CLCNKB: variants seen among roughly 807,000 people sequenced by gnomAD.
CLCNKB encodes chloride voltage-gated channel Kb, also known as chloride channel protein ClC-Kb.
In CLCNKB, 74 loss-of-function variants were observed where a neutral mutation model predicts 83.8. The observed-to-expected ratio is 0.88, with a 90% CI of 0.73 to 1.07. CLCNKB has a LOEUF of 1.07. CLCNKB is among the 50% of genes least tolerant of loss of function. The pLI is 0.00. For synonymous variants in CLCNKB, 358 were observed against 356.6 expected, an observed-to-expected ratio of 1.00 and a Z score of -0.04; for missense variants, 798 against 893.6, an observed-to-expected ratio of 0.89 and a Z score of 1.36.
At chr1:16,048,915 C>A in intron 7 of CLCNKB, 4 of 1,454,818 alleles carry the variant, frequency 2.7e-6, no homozygotes, top group Non-Finnish European at 3.6e-6. Context: ...AGGGCGCACA[C>A]CCGCATTCCA....
In CLCNKB at chr1:16,053,577, C is replaced by T. The variant is rs1446937645; in HGVS notation, c.1623-62C>T. Reference sequence around the variant, plus strand: ...TCAAGCAAAGCTCCCCACAGATCCCCCTGCCAGCCTGGGTCTCACATCCCT... The same window carrying T: ...TCAAGCAAAGCTCCCCACAGATCCCTCTGCCAGCCTGGGTCTCACATCCCT... On this transcript the variant is annotated intron_variant, in intron 15 of 19. Coordinates refer to ENST00000375679, the MANE Select transcript of CLCNKB (RefSeq NM_000085.5). 9 of 1,612,364 alleles carry T rather than the reference C, an allele frequency of 5.6e-6. No homozygotes were observed. The Admixed American group carries it at 1.2e-4, about 21-fold the overall frequency.
intron 15 of CLCNKB, among the ~76,000 whole-genome samples, chr1:16,052,646 T>C (rs931671208): frequency 2.6e-5 from 4 of 152,250 alleles, no homozygotes; most frequent in African/African-American, 9.6e-5. Context: ...AGCAGGAGGA[T>C]GAGTATTGCC....
intron 15 of CLCNKB, among the ~76,000 whole-genome samples, chr1:16,053,436 C>T (rs567020178): frequency 6.6e-6 from 1 of 152,168 alleles, no homozygotes. Context: ...TGGGAATTCG[C>T]AACTGGGTCA....
In CLCNKB at chr1:16,048,477, T is replaced by G. The variant is rs6696349; in HGVS notation, c.577-27T>G. On this transcript the variant is annotated intron_variant, in intron 6 of 19. Coordinates refer to ENST00000375679, the MANE Select transcript of CLCNKB (RefSeq NM_000085.5). ...GGGAGTGGGGAGGGAGGGGGCTGAC[T>G]CTGAGCCCTGGACTCGGATCCCCCA... 220,095 of 1,612,786 alleles carry G rather than the reference T, an allele frequency of 0.14. 18,700 individuals carry two copies. The highest frequency in any genetic ancestry group is 0.38 in the African/African-American group (28,597 of 74,766).
rs1443260796 is a variant in CLCNKB at position 16,048,051 on chromosome 1, G to T, written c.498+7G>T. ...CCTCTTCCTCGGGAAAGTGGTATGG[G>T]CAGGGGTGAGGGCATCCCAACCACC... On this transcript the variant is annotated splice_region_variant and intron_variant, in intron 5 of 19. Coordinates refer to ENST00000375679, the MANE Select transcript of CLCNKB (RefSeq NM_000085.5). The T allele has an allele frequency of 1.2e-6, 2 of 1,612,160 alleles. No individual in the cohort carries two copies. Among genetic ancestry groups the T allele is most frequent in the Non-Finnish European group, 1.7e-6 (2 of 1,178,850 alleles).
chr1:16,044,544 C>G lies in CLCNKB; in HGVS notation c.52C>G (p.Leu18Val). The change falls in exon 2 of 20, where the codon CTG becomes GTG. Residue 18 changes from leucine (L) to valine (V), a missense_variant. Physicochemically the swap from Leu to Val is conservative, Grantham distance 32 (BLOSUM62 1). Coordinates refer to ENST00000375679, the MANE Select transcript of CLCNKB (RefSeq NM_000085.5). ...REGSSGNPVT[L>V]QELWGPCPRI... ...AGGCTCCTCAGGGAACCCTGTGACT[C>G]TGCAGGAGCTGTGGGGCCCCTGTCC... 6.2e-7 allele frequency: 1 copy of G among 1,606,894 alleles called. No homozygotes were observed. The highest frequency in any genetic ancestry group is 8.5e-7 in the Non-Finnish European group (1 of 1,177,472).
intron 1 of CLCNKB, 119 bp from the exon 2 acceptor site, chr1:16,044,367 A>ACACACACACACG (rs2124080499): frequency 3.9e-6 from 3 of 762,584 alleles, no homozygotes; most frequent in African/African-American, 1.7e-5. Flanking sequence ...ACACACACAC[A>ACACACACACACG]CACACACACA....
intron 7 of CLCNKB, 174 bp from the exon 8 acceptor site, chr1:16,048,946 A>C (rs1478711889): frequency 2.7e-5 from 40 of 1,491,388 alleles, no homozygotes; most frequent in Non-Finnish European, 3.4e-5. Flanking sequence ...GTCTCTGGGC[A>C]GCGGGCTCCT....
chr1:16,053,513 T>C (rs2023354896), intron 15 of CLCNKB, 126 bp from the exon 16 acceptor site: 2 of 1,391,488 alleles, frequency 1.4e-6, no homozygotes, highest in Non-Finnish European at 2.0e-6. Context: ...CAGGAACCTC[T>C]CCGGCCCTGC....
intron 5 of CLCNKB, 26 bp from the exon 6 acceptor site, chr1:16,048,317 C>T (rs997425642): frequency 6.2e-7 from 1 of 1,613,356 alleles, no homozygotes; most frequent in Non-Finnish European, 8.5e-7. Context: ...CTCACCTGGG[C>T]CCTGGGCCCA....
rs2124103793 is a variant in CLCNKB, at chr1:16,052,351, A to G, written c.1562A>G (p.Asp521Gly). The G allele has an allele frequency of 6.2e-7, 1 of 1,613,124 alleles. No individual in the cohort carries two copies. The highest frequency in any genetic ancestry group is 1.1e-5 in the South Asian group (1 of 91,074). ...IAQSCQPSFYDGTVIVKKLPY... is the reference protein window; with the variant it reads ...IAQSCQPSFYGGTVIVKKLPY... ...CAGAGCTGCCAGCCCTCCTTCTATG[A>G]TGGCACCGTCATTGTCAAGAAGCTG... Residue 521 changes from aspartate to glycine, a missense_variant, in exon 15 of 20, where the codon GAT becomes GGT. Coordinates refer to ENST00000375679, the MANE Select transcript of CLCNKB (RefSeq NM_000085.5).
chr1:16,047,873 T>C, intron 4 of CLCNKB, 32 bp from the exon 5 acceptor site: 6 of 1,611,020 alleles, frequency 3.7e-6, no homozygotes, highest in Non-Finnish European at 5.1e-6. Context: ...CTAGAGATTG[T>C]CCCCCTCCTG....
At chr1:16,054,464 G>A (rs1323100728) in intron 16 of CLCNKB, among the ~76,000 whole-genome samples, 1 of 152,140 alleles carries the variant, frequency 6.6e-6, no homozygotes, top group African/African-American at 2.4e-5. Flanking sequence ...CACCCCAAGA[G>A]GGATAAGGCC....
At chr1:16,047,829 A>T in intron 4 of CLCNKB, 76 bp from the exon 5 acceptor site, 1 of 1,506,234 alleles carries the variant, frequency 6.6e-7, no homozygotes, top group South Asian at 1.1e-5. Context: ...GTAATGTGAA[A>T]ACATCACACA....
chr1:16,048,562 T>C lies in CLCNKB; in HGVS notation c.635T>C (p.Val212Ala). 1 of 1,613,092 alleles carries C rather than the reference T, an allele frequency of 6.2e-7. No homozygotes were observed. Among genetic ancestry groups the C allele is most frequent in the Non-Finnish European group, 8.5e-7 (1 of 1,179,660 alleles). ...GCGGCGGCAGTGGGCGTGGCCACAG[T>C]CTTTGCAGCTCCCTTCAGCGGTGAG... Reference protein sequence around the residue: ...VAAAAVGVATVFAAPFSGVLF... With the variant: ...VAAAAVGVATAFAAPFSGVLF... The change falls in exon 7 of 20, where the codon GTC becomes GCC. Residue 212 changes from valine (V) to alanine (A), a missense_variant. By Grantham distance (64) the Val-to-Ala change is moderately conservative. Transcript: ENST00000375679.
At position 16,057,248 on chromosome 1, in the gene CLCNKB, C is replaced by T. The variant is rs1475015613; in HGVS notation, c.*332C>T. The stretch of plus-strand genomic sequence containing the variant: ...TGTCACCAAGGGCAGGCACAGATGC[C>T]TTCTGGGGTTGTCTGGTTCCCAGTG... On this transcript the variant is annotated 3_prime_UTR_variant, in exon 20 of 20. Transcript: ENST00000375679. 1.5e-6 allele frequency: 1 copy of T among 665,396 alleles called. No homozygotes were observed. The highest frequency in any genetic ancestry group is 2.9e-5 in the East Asian group (1 of 34,012). The allele number at this position is 665,396 out of a possible 1,614,324, so 41.2% of individuals were successfully genotyped here. A position where few individuals can be genotyped will look rare whatever the true frequency, so the allele number is the denominator to read the frequency against.
At position 16,050,991 on chromosome 1, in the gene CLCNKB, A is replaced by G. The variant is rs1489801322; in HGVS notation, c.1170A>G (p.Glu390=). ...TCGACCCCCAGCACCTGTGGTGGGA[A>G]TGGTACCACCCGCGGTTCACCATCT... ...EELDPQHLWW[E]WYHPRFTIFG... The change falls in exon 12 of 20, where the codon GAA becomes GAG. Residue 390 remains glutamate (E), a synonymous_variant. Coordinates refer to ENST00000375679, the MANE Select transcript of CLCNKB (RefSeq NM_000085.5). 2 of 1,614,022 alleles carry G rather than the reference A, an allele frequency of 1.2e-6. No individual in the cohort carries two copies. The highest frequency in any genetic ancestry group is 1.1e-5 in the South Asian group (1 of 91,074).
chr1:16,053,826 C>G (rs878909836), intron 16 of CLCNKB, 54 bp downstream of exon 16: 1 of 1,609,110 alleles, frequency 6.2e-7, no homozygotes, highest in Non-Finnish European at 8.5e-7. Flanking sequence ...CCTCTGCCTC[C>G]TTCTTGAACC....
chr1:16,043,946 T>G (rs1217786375), intron 1 of CLCNKB, 66 bp downstream of exon 1: 7,049 of 52,136 alleles, frequency 0.14, 7 homozygotes, highest in African/African-American at 0.17. Flanking sequence ...GGGGGGGGGG[T>G]GGTAAGGGCA....
Sources: gnomAD v4.1 joint callset for allele counts (sites outside exome capture counted in the v4.1 genomes callset) on GRCh38, gnomAD v4.1.1 for gene constraint, MANE v1.5 for transcripts, NCBI Gene and HGNC (gene_info 2026-07-23, HGNC 2026-07-21) for gene names.